The following BMERB1 variants were observed in gnomAD, a reference collection of about 807,000 sequenced individuals.
BMERB1 encodes the protein bMERB domain-containing protein 1.
A neutral mutation model predicts 23.6 loss-of-function variants in BMERB1; 12 were observed. That is an observed-to-expected ratio of 0.51 (90% CI 0.33 to 0.82). The LOEUF is 0.82. Among genes scored for constraint, BMERB1 ranks in the 40% least tolerant of loss-of-function variants. BMERB1 has a pLI of 0.03. For synonymous variants in BMERB1, 122 were observed against 96.6 expected (o/e 1.26, Z -1.54); for missense variants, 247 against 255.4 (o/e 0.97, Z 0.22).
chr16:15,465,229 T>C (rs997707467), intron 1 of BMERB1, among the ~76,000 whole-genome samples: 1 of 151,998 alleles, frequency 6.6e-6, no homozygotes, highest in African/African-American at 2.4e-5. Flanking sequence ...TTTTAGGACC[T>C]CTCTGACATA....
At chr16:15,558,638 C>T (rs552382911) in intron 2 of BMERB1, among the ~76,000 whole-genome samples, 41 of 151,810 alleles carry the variant, frequency 2.7e-4, no homozygotes, top group Non-Finnish European at 4.3e-4. Flanking sequence ...ACATATGTGT[C>T]GTAGCGACAT....
chr16:15,507,066 C>T (rs567155323), intron 1 of BMERB1, among the ~76,000 whole-genome samples: 10 of 152,194 alleles, frequency 6.6e-5, no homozygotes, highest in Non-Finnish European at 7.4e-5. Flanking sequence ...GTACTAGGCA[C>T]GTAAAGTTAT....
intron 1 of BMERB1, among the ~76,000 whole-genome samples, chr16:15,438,778 T>C (rs2050911157): frequency 6.6e-6 from 1 of 152,188 alleles, no homozygotes; most frequent in Non-Finnish European, 1.5e-5. Context: ...TAGATGCGTG[T>C]TTGCACGCAG....
chr16:15,435,169 G>C (rs879829498), intron 1 of BMERB1, among the ~76,000 whole-genome samples: 14 of 152,184 alleles, frequency 9.2e-5, no homozygotes, highest in Non-Finnish European at 1.9e-4. Context: ...TCCCTGGAGA[G>C]GGGGGAGTGT....
chr16:15,578,918 CGT>C (rs2030940221), intron 3 of BMERB1, among the ~76,000 whole-genome samples: 1 of 152,158 alleles, frequency 6.6e-6, no homozygotes, highest in Non-Finnish European at 1.5e-5. Flanking sequence ...CACACACGCA[CGT>C]GAGCAGCATT....
rs1428121311 is a variant in BMERB1, at chr16:15,482,251, ATGATGTTAAGGCAACATCTTCTCTGTGTC to A, written c.107-33052_107-33024del. ...ATCATAGGGATCCCCAGGGGTGTAGATGATGTTAAGGCAACATCTTCTCTGTGTCTAAGAGAAAAAGAATCTGCCCTGAG... is the reference window on the plus strand; with the variant it reads ...ATCATAGGGATCCCCAGGGGTGTAGATAAGAGAAAAAGAATCTGCCCTGAG... On this transcript the variant is annotated intron_variant, in intron 1 of 5. Transcript: ENST00000300006. 2.6e-5 allele frequency among the ~76,000 whole-genome samples: 4 copies of A among 152,298 alleles called. No homozygotes were observed. The South Asian group carries it at 6.2e-4, about 24-fold the overall frequency.
intron 5 of BMERB1, among the ~76,000 whole-genome samples, chr16:15,586,362 A>G (rs1298268344): frequency 6.6e-6 from 1 of 152,170 alleles, no homozygotes; most frequent in Non-Finnish European, 1.5e-5. Flanking sequence ...CTCAGATTGA[A>G]GTGACTTGAA....
At chr16:15,445,521 G>T (rs1180099528) in intron 1 of BMERB1, among the ~76,000 whole-genome samples, 1 of 152,048 alleles carries the variant, frequency 6.6e-6, no homozygotes, top group Non-Finnish European at 1.5e-5. Context: ...TAATAAGAAA[G>T]AATAGAAGGA....
At chr16:15,469,189 C>G (rs566962086) in intron 1 of BMERB1, among the ~76,000 whole-genome samples, 17 of 152,122 alleles carry the variant, frequency 1.1e-4, no homozygotes, top group Non-Finnish European at 1.9e-4. Flanking sequence ...TGGTCTTGAA[C>G]TCCTGGACTC....
intron 1 of BMERB1, among the ~76,000 whole-genome samples, chr16:15,494,921 T>G (rs2051459384): frequency 6.8e-6 from 1 of 147,618 alleles, no homozygotes; most frequent in Non-Finnish European, 1.5e-5. Context: ...TCTTGCTCTG[T>G]TGCCCAGGCT....
chr16:15,585,656 C>G (rs1262798154), intron 5 of BMERB1, among the ~76,000 whole-genome samples: 1 of 152,106 alleles, frequency 6.6e-6, no homozygotes, highest in Non-Finnish European at 1.5e-5. Context: ...ATGGTGAAAC[C>G]TTGTCTCTGC....
intron 1 of BMERB1, among the ~76,000 whole-genome samples, chr16:15,490,483 A>G (rs1410006625): frequency 2.0e-5 from 3 of 151,892 alleles, no homozygotes; most frequent in African/African-American, 4.8e-5. Context: ...GGGTCTTGCT[A>G]TGTTGCCCAG....
At chr16:15,472,656 T>C (rs2051239845) in intron 1 of BMERB1, among the ~76,000 whole-genome samples, 1 of 149,778 alleles carries the variant, frequency 6.7e-6, no homozygotes, top group Non-Finnish European at 1.5e-5. Flanking sequence ...TTCTTCTAGA[T>C]AACATATTGC....
intron 1 of BMERB1, among the ~76,000 whole-genome samples, chr16:15,509,833 A>G (rs2051639722): frequency 6.6e-6 from 1 of 152,170 alleles, no homozygotes; most frequent in African/African-American, 2.4e-5. Context: ...AAACATCAGA[A>G]TGTGACCTTA....
At chr16:15,502,439 C>T (rs993510422) in intron 1 of BMERB1, 132 of 1,342,610 alleles carry the variant, frequency 9.8e-5, no homozygotes, top group Non-Finnish European at 1.3e-4. Flanking sequence ...AGAAATCGAG[C>T]AGCCAGGAGC....
Position 15,440,776 on chromosome 16 carries a change from G to A in BMERB1, c.106+6017G>A, listed in dbSNP as rs140436249. 6.6e-5 allele frequency among the ~76,000 whole-genome samples: 10 copies of A among 152,286 alleles called. No individual in the cohort carries two copies. In the South Asian group the frequency reaches 1.7e-3, roughly 25 times the overall value. On this transcript the variant is annotated intron_variant, in intron 1 of 5. Transcript: ENST00000300006. ...TGCAGGTACAGTCTTGAGATTTCTC[G>A]ACAAAGTCCCTGCCCACATAAAGCT...
chr16:15,459,403 C>T (rs2051116967), intron 1 of BMERB1, among the ~76,000 whole-genome samples: 1 of 148,810 alleles, frequency 6.7e-6, no homozygotes, highest in Admixed American at 6.7e-5. Context: ...ACTTCAGATT[C>T]AAAGACACAA....
chr16:15,455,193 G>A (rs1464824782), intron 1 of BMERB1, among the ~76,000 whole-genome samples: 2 of 150,582 alleles, frequency 1.3e-5, no homozygotes, highest in East Asian at 2.0e-4. Flanking sequence ...GCGTGGTGGC[G>A]TGCACCTATA....
At chr16:15,510,560 CAG>C (rs1280451558) in intron 1 of BMERB1, among the ~76,000 whole-genome samples, 5 of 152,126 alleles carry the variant, frequency 3.3e-5, no homozygotes, top group South Asian at 2.1e-4. Context: ...AGAGGAGAAA[CAG>C]AGCTGCTGAG....
Sources: allele counts gnomAD v4.1 joint callset (sites outside exome capture counted in the v4.1 genomes callset), GRCh38; gene constraint gnomAD v4.1.1; transcripts MANE v1.5; gene names NCBI Gene and HGNC (gene_info 2026-07-23, HGNC 2026-07-21).